Variants in RAF1 observed in about 807,000 individuals in gnomAD.
The protein encoded by RAF1 is RAF proto-oncogene serine/threonine-protein kinase.
In RAF1, 27 loss-of-function variants were observed where a neutral mutation model predicts 81.1. The observed-to-expected ratio is 0.33, with a 90% confidence interval of 0.25 to 0.46. The LOEUF is 0.46. Ranked by LOEUF, RAF1 falls within the 20% of genes least tolerant of loss-of-function variation. The pLI is 1.00. For synonymous variants in RAF1, 298 were observed against 294.0 expected (o/e 1.01, Z -0.14); for missense variants, 598 against 826.0 (o/e 0.72, Z 3.38).
At chr3:12,642,183 C>T (rs1381781843) in intron 1 of RAF1, among the ~76,000 whole-genome samples, 1 of 150,848 alleles carries the variant, frequency 6.6e-6, no homozygotes, top group Non-Finnish European at 1.5e-5. Flanking sequence ...GGCGCAGTGG[C>T]TCATGCCTGT....
chr3:12,656,561 CCT>C (rs2060700666), intron 1 of RAF1, among the ~76,000 whole-genome samples: 1 of 152,084 alleles, frequency 6.6e-6, no homozygotes, highest in African/African-American at 2.4e-5. Flanking sequence ...AAGTGATTAA[CCT>C]CTGATTAATG....
At position 12,664,053 on chromosome 3, in the gene RAF1, C is replaced by G. The variant is rs116247741; in HGVS notation, c.-267G>C. 30 of 398,392 alleles carry G rather than the reference C, an allele frequency of 7.5e-5. No individual in the cohort carries two copies. In the East Asian group the frequency reaches 7.8e-4, roughly 10 times the overall value. 24.7% of individuals were successfully genotyped at this position (398,392 alleles called of 1,614,324 possible). A position where few individuals can be genotyped will look rare whatever the true frequency, so the allele number is the denominator to read the frequency against. ...CCAAAAAAGGCAGCAGAAAGCCGTTCCCGCCTCACAATCGTTTTCCTCTTA... is the reference window on the plus strand; with the variant it reads ...CCAAAAAAGGCAGCAGAAAGCCGTTGCCGCCTCACAATCGTTTTCCTCTTA... On this transcript the variant is annotated 5_prime_UTR_variant, in exon 1 of 18. Coordinates refer to ENST00000442415, the MANE Select transcript of RAF1 (RefSeq NM_001354689.3).
At chr3:12,599,840 A>T in intron 10 of RAF1, 32 bp from the exon 10 acceptor site, 1 of 1,482,902 alleles carries the variant, frequency 6.7e-7, no homozygotes, top group South Asian at 1.1e-5. Context: ...ATTATACTCC[A>T]TGCAATGGTA....
intron 1 of RAF1, among the ~76,000 whole-genome samples, chr3:12,622,039 G>C (rs1347019191): frequency 1.3e-5 from 2 of 152,060 alleles, no homozygotes; most frequent in African/African-American, 2.4e-5. Context: ...CTGTAAGAGG[G>C]GATGACAGAA....
chr3:12,589,463 T>G (rs760366555), intron 13 of RAF1: 8 of 152,188 alleles, frequency 5.3e-5, no homozygotes, highest in Non-Finnish European at 1.2e-4. Flanking sequence ...CTCCCAGATG[T>G]CTAGGGGTAC....
At chr3:12,635,044 G>C (rs2059975736) in intron 1 of RAF1, among the ~76,000 whole-genome samples, 1 of 152,062 alleles carries the variant, frequency 6.6e-6, no homozygotes. Flanking sequence ...CTTTCTACTA[G>C]GGCAGCCACG....
At chr3:12,626,620 ATT>A (rs2059710810) in intron 1 of RAF1, among the ~76,000 whole-genome samples, 2 of 151,926 alleles carry the variant, frequency 1.3e-5, no homozygotes, top group African/African-American at 4.8e-5. Context: ...AAAAAAGAAT[ATT>A]GTTAAGTATG....
chr3:12,662,974 C>A (rs1472361139), intron 1 of RAF1, among the ~76,000 whole-genome samples: 1 of 152,060 alleles, frequency 6.6e-6, no homozygotes, highest in Non-Finnish European at 1.5e-5. Context: ...TAAGTGACCC[C>A]CTAGAACCCG....
chr3:12,641,957 C>T (rs1372464333), intron 1 of RAF1, among the ~76,000 whole-genome samples: 2 of 151,826 alleles, frequency 1.3e-5, no homozygotes, highest in Non-Finnish European at 2.9e-5. Context: ...ACCAGCTGGG[C>T]CAACATGGTG....
chr3:12,617,994 C>T (rs1044150606), intron 2 of RAF1, among the ~76,000 whole-genome samples: 1 of 151,828 alleles, frequency 6.6e-6, no homozygotes, highest in Non-Finnish European at 1.5e-5. Context: ...AAATAAACTA[C>T]GCAGAACTAA....
intron 3 of RAF1, among the ~76,000 whole-genome samples, 190 bp from the exon 4 acceptor site, chr3:12,609,525 G>A (rs2125422018): frequency 6.6e-6 from 1 of 151,952 alleles, no homozygotes; most frequent in East Asian, 1.9e-4. Context: ...AAGAAAACTG[G>A]GACTCTAAGA....
chr3:12,614,868 C>CA (rs1289426066), intron 2 of RAF1, among the ~76,000 whole-genome samples: 1 of 152,108 alleles, frequency 6.6e-6, no homozygotes, highest in Non-Finnish European at 1.5e-5. Context: ...ATGAGGAAAA[C>CA]AAAGAGTAAT....
intron 1 of RAF1, among the ~76,000 whole-genome samples, chr3:12,656,092 AC>A (rs1464739860): frequency 7.0e-6 from 1 of 143,678 alleles, no homozygotes; most frequent in Non-Finnish European, 1.5e-5. Context: ...CTTCCAACTT[AC>A]ATAAGACAGC....
chr3:12,657,001 G>A (rs2881850), intron 1 of RAF1, among the ~76,000 whole-genome samples: 118,208 of 147,396 alleles, frequency 0.8, 47,300 homozygotes, highest in East Asian at 0.93. Context: ...CCATCTCGGG[G>A]AAAAAAAAAA....
intron 6 of RAF1, 94 bp from the exon 7 acceptor site, chr3:12,604,383 G>A (rs2058962725): frequency 3.8e-6 from 5 of 1,304,994 alleles, no homozygotes; most frequent in Non-Finnish European, 5.4e-6. Context: ...GATGCTTAAG[G>A]GCAAACTCTA....
In RAF1 at chr3:12,612,649, C is replaced by CAA. The variant is rs546490049; in HGVS notation, c.208-589_208-588dup. 2.0e-3 allele frequency among the ~76,000 whole-genome samples: 150 copies of CAA among 74,538 alleles called. 2 individuals are homozygous for CAA. The highest frequency in any genetic ancestry group is 2.6e-3 in the Non-Finnish European group (87 of 33,020). 48.9% of individuals were successfully genotyped at this position (74,538 alleles called of 152,430 possible). On this transcript the variant is annotated intron_variant, in intron 2 of 17. Transcript: ENST00000442415. ...GGGTGACAAGAACGAGACTCCGTCT[C>CAA]AAAAAAAAAAAAAAAAAAAGTGAAG...
At position 12,600,409 on chromosome 3, in the gene RAF1, T is replaced by C. The variant is rs1207731590; in HGVS notation, c.901A>G (p.Ile301Val). The change falls in exon 9 of 18, where the codon ATT becomes GTT. Residue 301 changes from isoleucine to valine, a missense_variant. By Grantham distance (29) the Ile-to-Val change is conservative (BLOSUM62 3). Coordinates refer to ENST00000442415, the MANE Select transcript of RAF1 (RefSeq NM_001354689.3). ...GTACCTGATTCGCTGTGACTTCGAATTGCATCCTGAAACAGAAAAGGAAAG... is the reference window on the plus strand; with the variant it reads ...GTACCTGATTCGCTGTGACTTCGAACTGCATCCTGAAACAGAAAAGGAAAG... The C allele has an allele frequency of 2.5e-6, 4 of 1,613,984 alleles. No homozygotes were observed. The highest frequency in any genetic ancestry group is 3.4e-6 in the Non-Finnish European group (4 of 1,180,006).
At chr3:12,627,843 G>A (rs2059750361) in intron 1 of RAF1, among the ~76,000 whole-genome samples, 1 of 152,204 alleles carries the variant, frequency 6.6e-6, no homozygotes, top group Non-Finnish European at 1.5e-5. Context: ...AGTGTGGCCA[G>A]GCACACTGGC....
In RAF1 at chr3:12,626,741, T is replaced by G. The variant is rs114004931; in HGVS notation, c.-26-7994A>C. On this transcript the variant is annotated intron_variant, in intron 1 of 17. Transcript: ENST00000442415. ...TTGTTGTTGTTTTTTAAAGATAACTTCGCCAGGCGGGGTGGCTCACGCCTG... is the reference window on the plus strand; with the variant it reads ...TTGTTGTTGTTTTTTAAAGATAACTGCGCCAGGCGGGGTGGCTCACGCCTG... Among the ~76,000 whole-genome samples the G allele has an allele frequency of 7.6e-3, 1,155 of 152,024 alleles. 11 individuals are homozygous for G. Among genetic ancestry groups the G allele is most frequent in the African/African-American group, 0.026 (1,088 of 41,460 alleles).
Sources: gnomAD v4.1 joint callset for allele counts (sites outside exome capture counted in the v4.1 genomes callset) on GRCh38, gnomAD v4.1.1 for gene constraint, MANE v1.5 for transcripts, NCBI Gene and HGNC (gene_info 2026-07-23, HGNC 2026-07-21) for gene names.